The following RSRC1 variants were observed in gnomAD, a reference collection of about 807,000 sequenced individuals.
The protein encoded by RSRC1 is serine/Arginine-related protein 53.
Under a neutral mutation model 49.1 loss-of-function variants are expected in RSRC1, and 39 were observed. The observed-to-expected ratio is 0.79, with a 90% CI of 0.61 to 1.04. RSRC1 has a LOEUF of 1.04. Among genes scored for constraint, RSRC1 ranks in the 50% least tolerant of loss-of-function variants. RSRC1 has a pLI of 0.00. For synonymous variants in RSRC1, 143 were observed against 130.8 expected, an observed-to-expected ratio of 1.09 and a Z score of -0.63; for missense variants, 388 against 402.4, an observed-to-expected ratio of 0.96 and a Z score of 0.31.
At chr3:158,395,942 C>A (rs534326913) in intron 6 of RSRC1, among the ~76,000 whole-genome samples, 4 of 152,156 alleles carry the variant, frequency 2.6e-5, no homozygotes, top group Non-Finnish European at 5.9e-5. Flanking sequence ...CCTAAGTTCC[C>A]ATCAATGGTA....
At chr3:158,275,926 A>T in intron 4 of RSRC1, 1 of 713,526 alleles carries the variant, frequency 1.4e-6, no homozygotes, top group Non-Finnish European at 2.5e-6. Flanking sequence ...TTTGGCCTGC[A>T]GATGTGAGCC....
chr3:158,275,465 A>C (rs1348453749), intron 4 of RSRC1, among the ~76,000 whole-genome samples: 2 of 152,342 alleles, frequency 1.3e-5, no homozygotes, highest in East Asian at 1.9e-4. Flanking sequence ...CCATCATCCC[A>C]GTAAAGCTGC....
intron 4 of RSRC1, chr3:158,276,570 A>T: frequency 2.1e-6 from 1 of 481,180 alleles, no homozygotes; most frequent in East Asian, 3.4e-5. Context: ...TGGAAGACAA[A>T]ATTTGTCTCC....
rs1411076922 is a variant in RSRC1 at position 158,423,394 on chromosome 3, C to A, written c.584-37541C>A. ...CAAAGATCAGATAGTTGTAGATATG[C>A]GGTGTTATTTCTGAGGGCTCTGTTC... On this transcript the variant is annotated intron_variant, in intron 6 of 9. Coordinates refer to ENST00000611884, the MANE Select transcript of RSRC1 (RefSeq NM_001271838.2). Among the ~76,000 whole-genome samples, 6 of 151,712 alleles carry A rather than the reference C, an allele frequency of 4.0e-5. No individual in the cohort carries two copies. The South Asian group carries it at 8.3e-4, about 21-fold the overall frequency.
intron 6 of RSRC1, among the ~76,000 whole-genome samples, chr3:158,456,843 G>A (rs573284717): frequency 9.8e-5 from 15 of 152,286 alleles, no homozygotes; most frequent in African/African-American, 2.6e-4. Flanking sequence ...AGATCAGGCT[G>A]TGAAGCACTT....
chr3:158,345,393 A>T (rs1030572370), intron 5 of RSRC1, among the ~76,000 whole-genome samples: 1 of 152,192 alleles, frequency 6.6e-6, no homozygotes, highest in African/African-American at 2.4e-5. Context: ...TACTTAAAAA[A>T]GTACACTTTA....
At chr3:158,410,721 C>T (rs1228142531) in intron 6 of RSRC1, among the ~76,000 whole-genome samples, 2 of 151,916 alleles carry the variant, frequency 1.3e-5, no homozygotes, top group African/African-American at 2.4e-5. Context: ...TTTATAATTG[C>T]CCTTAGGATT....
At chr3:158,436,751 A>T (rs1388399346) in intron 6 of RSRC1, among the ~76,000 whole-genome samples, 1 of 151,946 alleles carries the variant, frequency 6.6e-6, no homozygotes, top group Admixed American at 6.6e-5. Flanking sequence ...ATAATATTGT[A>T]TATTTTATAT....
At chr3:158,247,236 G>C (rs1016152223) in intron 4 of RSRC1, among the ~76,000 whole-genome samples, 9 of 152,098 alleles carry the variant, frequency 5.9e-5, no homozygotes, top group African/African-American at 2.2e-4. Context: ...GGTCAGTTAT[G>C]TTCCTCTTTA....
In RSRC1 at chr3:158,348,409, A is replaced by G. The variant is rs534270675; in HGVS notation, c.532-6448A>G. 5.3e-4 allele frequency among the ~76,000 whole-genome samples: 80 copies of G among 152,270 alleles called. 5 individuals are homozygous for G. The South Asian group carries it at 0.016, about 31-fold the overall frequency. ...GCTGGTTTTGAATGTATGCTTTGGC[A>G]GTATTTTGAGAATCTAGATATGCAG... On this transcript the variant is annotated intron_variant, in intron 5 of 9. Transcript: ENST00000611884.
At chr3:158,284,814 T>C (rs1726413788) in intron 4 of RSRC1, among the ~76,000 whole-genome samples, 1 of 150,766 alleles carries the variant, frequency 6.6e-6, no homozygotes, top group African/African-American at 2.4e-5. Context: ...GATGAGTAGG[T>C]TGCGAAAATT....
At chr3:158,132,484 A>G (rs1196472246) in intron 3 of RSRC1, among the ~76,000 whole-genome samples, 1 of 152,186 alleles carries the variant, frequency 6.6e-6, no homozygotes, top group East Asian at 1.9e-4. Flanking sequence ...GGGTAGAAAG[A>G]TTGGACTACA....
chr3:158,503,741 C>A (rs111751916), intron 7 of RSRC1, among the ~76,000 whole-genome samples: 8 of 152,018 alleles, frequency 5.3e-5, no homozygotes, highest in Non-Finnish European at 8.8e-5. Context: ...ACCGTGCCCC[C>A]CCAACAGCCC....
At chr3:158,541,920 A>G (rs1021448883) in intron 8 of RSRC1, among the ~76,000 whole-genome samples, 1 of 152,146 alleles carries the variant, frequency 6.6e-6, no homozygotes, top group African/African-American at 2.4e-5. Flanking sequence ...ACAATGATTT[A>G]TTAGTTGTAT....
At chr3:158,524,434 T>C (rs115562107) in intron 7 of RSRC1, among the ~76,000 whole-genome samples, 2 of 152,160 alleles carry the variant, frequency 1.3e-5, no homozygotes, top group East Asian at 1.9e-4. Flanking sequence ...CATAAACTTA[T>C]CATAAGGCAT....
chr3:158,452,831 A>C (rs1411031644), intron 6 of RSRC1, among the ~76,000 whole-genome samples: 1 of 152,158 alleles, frequency 6.6e-6, no homozygotes, highest in East Asian at 1.9e-4. Context: ...TTTTAAATAC[A>C]GGTAATAAAG....
chr3:158,190,269 G>A (rs1314617182), intron 3 of RSRC1, among the ~76,000 whole-genome samples: 1 of 151,928 alleles, frequency 6.6e-6, no homozygotes, highest in Non-Finnish European at 1.5e-5. Flanking sequence ...CTTTCTACAT[G>A]TGGATGGCTT....
intron 6 of RSRC1, among the ~76,000 whole-genome samples, chr3:158,443,180 C>T (rs893537932): frequency 2.6e-5 from 4 of 152,100 alleles, no homozygotes; most frequent in South Asian, 4.1e-4. Flanking sequence ...TCACCAGCTG[C>T]GTTAGCCCCT....
chr3:158,266,092 T>G (rs923969254), intron 4 of RSRC1, among the ~76,000 whole-genome samples: 8 of 152,192 alleles, frequency 5.3e-5, no homozygotes, highest in African/African-American at 1.9e-4. Flanking sequence ...TATAGTACAG[T>G]ATGATTATTA....
Sources: allele counts gnomAD v4.1 joint callset (sites outside exome capture counted in the v4.1 genomes callset), GRCh38; gene constraint gnomAD v4.1.1; transcripts MANE v1.5; gene names NCBI Gene and HGNC (gene_info 2026-07-23, HGNC 2026-07-21).